THRAP3: variants seen among roughly 807,000 people sequenced by gnomAD.
The protein encoded by THRAP3 is thyroid hormone receptor-associated protein 3.
In THRAP3, 16 loss-of-function variants were observed where a neutral mutation model predicts 101.0. That is an observed-to-expected ratio of 0.16 (90% CI 0.11 to 0.24). THRAP3 has a LOEUF of 0.24. Ranked by LOEUF, THRAP3 falls within the 10% of genes least tolerant of loss-of-function variation. The pLI is 1.00. For missense variants in THRAP3, 989 were observed against 1,202.7 expected, an observed-to-expected ratio of 0.82 and a Z score of 2.63; for synonymous variants, 407 against 422.6, an observed-to-expected ratio of 0.96 and a Z score of 0.45.
At chr1:36,237,612 A>G (rs936703607) in intron 1 of THRAP3, among the ~76,000 whole-genome samples, 35 of 151,980 alleles carry the variant, frequency 2.3e-4, no homozygotes, top group African/African-American at 8.2e-4. Flanking sequence ...CTCTACTAAA[A>G]ATACAAAAGT....
At chr1:36,301,213 G>T (rs776694212) in intron 10 of THRAP3, 129 bp downstream of exon 10, 22 of 985,574 alleles carry the variant, frequency 2.2e-5, no homozygotes, top group Non-Finnish European at 3.1e-5. Context: ...GGAATCTTTG[G>T]TTCTCCTTCC....
At chr1:36,262,006 G>A (rs1431588838) in intron 2 of THRAP3, among the ~76,000 whole-genome samples, 2 of 152,022 alleles carry the variant, frequency 1.3e-5, no homozygotes, top group East Asian at 1.9e-4. Flanking sequence ...TATAATCATC[G>A]TTGTTCTCAA....
intron 10 of THRAP3, among the ~76,000 whole-genome samples, chr1:36,301,332 ACTGCTGTTT>A (rs752876081): frequency 6.6e-6 from 1 of 152,052 alleles, no homozygotes; most frequent in Non-Finnish European, 1.5e-5. Flanking sequence ...AACCTTGACT[ACTGCTGTTT>A]ATAGGGAGGC....
At chr1:36,216,246 G>A in the THRAP3 span, among the ~76,000 whole-genome samples, 1 of 151,812 alleles carries the variant, frequency 6.6e-6, no homozygotes, top group African/African-American at 2.4e-5. Context: ...ACAGCTGGGC[G>A]CTGTAGCTCA....
chr1:36,280,875 T>TCAAA (rs1645722366), intron 2 of THRAP3, among the ~76,000 whole-genome samples: 1 of 152,046 alleles, frequency 6.6e-6, no homozygotes. Context: ...AAAAAGACTA[T>TCAAA]TTGTTTCTTG....
the THRAP3 span, among the ~76,000 whole-genome samples, chr1:36,219,119 G>C: frequency 6.6e-6 from 1 of 150,838 alleles, no homozygotes; most frequent in African/African-American, 2.4e-5. Flanking sequence ...CTGATACAGA[G>C]AGAGTTTTAG....
At chr1:36,285,818 G>A (rs975135592) in intron 3 of THRAP3, among the ~76,000 whole-genome samples, 7 of 152,180 alleles carry the variant, frequency 4.6e-5, no homozygotes, top group African/African-American at 1.7e-4. Flanking sequence ...TGTACCTGTT[G>A]TAACTATACT....
chr1:36,272,678 T>G (rs1462163504), intron 2 of THRAP3, among the ~76,000 whole-genome samples: 5 of 152,236 alleles, frequency 3.3e-5, no homozygotes, highest in East Asian at 1.9e-4. Context: ...TTGTCTGTCT[T>G]ATCTCTATCA....
intron 1 of THRAP3, among the ~76,000 whole-genome samples, chr1:36,256,264 C>A (rs1264611434): frequency 1.3e-5 from 2 of 150,718 alleles, no homozygotes; most frequent in African/African-American, 4.9e-5. Context: ...CTTGCTCTGT[C>A]CCCCAGGCTG....
chr1:36,257,778 T>G (rs1645394093), intron 1 of THRAP3, among the ~76,000 whole-genome samples: 1 of 152,232 alleles, frequency 6.6e-6, no homozygotes, highest in Non-Finnish European at 1.5e-5. Context: ...GGGAGATTTA[T>G]GTGTGTGTAC....
intron 5 of THRAP3, among the ~76,000 whole-genome samples, chr1:36,290,046 G>A (rs1043273111): frequency 3.3e-5 from 5 of 152,138 alleles, no homozygotes; most frequent in African/African-American, 1.2e-4. Flanking sequence ...GCTGTTTCTT[G>A]TATTTAAGAT....
intron 1 of THRAP3, among the ~76,000 whole-genome samples, chr1:36,244,472 A>G (rs1645207323): frequency 1.3e-5 from 2 of 152,190 alleles, no homozygotes; most frequent in Admixed American, 6.5e-5. Context: ...TTTCATCTAA[A>G]TTATACCTTC....
intron 1 of THRAP3, chr1:36,224,863 C>T (rs1644943021): frequency 6.6e-6 from 1 of 152,416 alleles, no homozygotes; most frequent in Non-Finnish European, 1.5e-5. Context: ...CCCGGAACTC[C>T]CGAGTGCCCT....
At chr1:36,287,801 T>C (rs1309098789) in intron 4 of THRAP3, 1 of 985,316 alleles carries the variant, frequency 1.0e-6, no homozygotes, top group African/African-American at 1.7e-5. Context: ...TATGTCCCAG[T>C]AGAAGCCAAC....
intron 2 of THRAP3, among the ~76,000 whole-genome samples, chr1:36,278,002 A>G (rs1645682941): frequency 1.3e-5 from 2 of 149,618 alleles, no homozygotes; most frequent in Non-Finnish European, 3.0e-5. Context: ...ACCTCAGGTG[A>G]TCCACCTGCC....
chr1:36,221,304 T>C (rs1274101264), upstream of THRAP3, among the ~76,000 whole-genome samples: 1 of 152,026 alleles, frequency 6.6e-6, no homozygotes, highest in Non-Finnish European at 1.5e-5. Flanking sequence ...GAGTCCAATT[T>C]TGAAAGAAGT....
chr1:36,259,013 C>T (rs1481901076), intron 1 of THRAP3, among the ~76,000 whole-genome samples: 1 of 152,192 alleles, frequency 6.6e-6, no homozygotes, highest in African/African-American at 2.4e-5. Flanking sequence ...TTGTTAAATT[C>T]ATTTTAATAT....
chr1:36,258,681 A>G (rs1251668802), intron 1 of THRAP3, among the ~76,000 whole-genome samples: 1 of 152,090 alleles, frequency 6.6e-6, no homozygotes, highest in Non-Finnish European at 1.5e-5. Context: ...GGATTCCACC[A>G]TATTAGCCAG....
chr1:36,240,803 A>G (rs921993140), intron 1 of THRAP3, among the ~76,000 whole-genome samples: 2 of 152,198 alleles, frequency 1.3e-5, no homozygotes, highest in African/African-American at 4.8e-5. Flanking sequence ...AAAAATTAAC[A>G]TAATTTGTGA....
Sources: gnomAD v4.1 joint callset for allele counts (sites outside exome capture counted in the v4.1 genomes callset) on GRCh38, gnomAD v4.1.1 for gene constraint, MANE v1.5 for transcripts, NCBI Gene and HGNC (gene_info 2026-07-23, HGNC 2026-07-21) for gene names.